Variants in CCDC102B observed in about 807,000 individuals in gnomAD.
The protein encoded by CCDC102B is coiled-coil domain containing 102B.
CCDC102B carries 75 observed loss-of-function variants against 57.4 expected under a neutral mutation model. The ratio of observed to expected loss-of-function variants is 1.31; its 90% CI spans 1.08 to 1.58. The LOEUF is 1.58. Ranked by LOEUF, CCDC102B falls within the 40% of genes most tolerant of loss-of-function variation. CCDC102B has a pLI of 0.00. For missense variants in CCDC102B, 636 were observed against 582.6 expected (o/e 1.09, Z -0.94); for synonymous variants, 206 against 201.9 (o/e 1.02, Z -0.17).
At chr18:69,012,521 T>A (rs2051546382) in intron 7 of CCDC102B, among the ~76,000 whole-genome samples, 2 of 152,192 alleles carry the variant, frequency 1.3e-5, no homozygotes, top group Admixed American at 6.5e-5. Context: ...ATCATCAATG[T>A]CAGGTTTGGT....
intron 7 of CCDC102B, among the ~76,000 whole-genome samples, chr18:69,053,049 A>G (rs1023996600): frequency 6.6e-6 from 1 of 151,862 alleles, no homozygotes; most frequent in African/African-American, 2.4e-5. Context: ...TCTCCTGTGG[A>G]TATCAAGGGA....
At chr18:68,936,890 T>G (rs2049257255) in intron 6 of CCDC102B, among the ~76,000 whole-genome samples, 1 of 151,370 alleles carries the variant, frequency 6.6e-6, no homozygotes, top group African/African-American at 2.4e-5. Flanking sequence ...AACACACATA[T>G]ACATACGTAA....
chr18:68,972,082 A>G (rs907088756), intron 6 of CCDC102B, among the ~76,000 whole-genome samples: 1 of 152,156 alleles, frequency 6.6e-6, no homozygotes, highest in Non-Finnish European at 1.5e-5. Context: ...AAATATTAGA[A>G]TAGTAGGCTG....
intron 6 of CCDC102B, among the ~76,000 whole-genome samples, chr18:68,979,673 G>A (rs77306884): frequency 2.0e-5 from 3 of 152,176 alleles, no homozygotes; most frequent in Admixed American, 1.3e-4. Context: ...GGACCGTCAT[G>A]CAATGTCTAA....
rs1472018695 is a variant in CCDC102B, at chr18:68,911,173, A to G, written c.1263+13745A>G. 6.6e-5 allele frequency among the ~76,000 whole-genome samples: 10 copies of G among 152,236 alleles called. No individual in the cohort carries two copies. The East Asian group carries it at 1.9e-3, about 29-fold the overall frequency. On this transcript the variant is annotated intron_variant, in intron 6 of 7. Transcript: ENST00000360242. ...CAGCACTATTCCCAATAGCAAAGAC[A>G]TGGAATCAACCTAAATGCCCATCAA...
intron 6 of CCDC102B, among the ~76,000 whole-genome samples, chr18:68,918,667 G>T (rs1156877951): frequency 1.3e-5 from 2 of 152,124 alleles, no homozygotes; most frequent in Non-Finnish European, 2.9e-5. Flanking sequence ...GACATAATGA[G>T]CTTCTGGATT....
At chr18:69,021,748 G>A (rs962823590) in intron 7 of CCDC102B, among the ~76,000 whole-genome samples, 3 of 152,128 alleles carry the variant, frequency 2.0e-5, no homozygotes, top group Non-Finnish European at 4.4e-5. Flanking sequence ...GGGCAAGGAC[G>A]GTAGCAGCCT....
intron 7 of CCDC102B, 157 bp downstream of exon 7, chr18:69,011,261 A>G (rs1732179478): frequency 4.3e-6 from 3 of 695,006 alleles, no homozygotes; most frequent in African/African-American, 1.8e-5. Context: ...AGGAAATAAG[A>G]TTACACAGAC....
At chr18:68,797,707 T>C (rs1250503184), upstream of CCDC102B, among the ~76,000 whole-genome samples, 1 of 151,984 alleles carries the variant, frequency 6.6e-6, no homozygotes, top group African/African-American at 2.4e-5. Flanking sequence ...GTTCCTGTAA[T>C]GTGCAGTATA....
At chr18:68,764,424 GT>G (rs2034358913) in intron 2 of CCDC102B, among the ~76,000 whole-genome samples, 1 of 152,166 alleles carries the variant, frequency 6.6e-6, no homozygotes, top group Non-Finnish European at 1.5e-5. Flanking sequence ...AAGTAATTCA[GT>G]TTTTCAAGAT....
At chr18:69,011,701 C>T (rs2051523359) in intron 7 of CCDC102B, among the ~76,000 whole-genome samples, 1 of 151,254 alleles carries the variant, frequency 6.6e-6, no homozygotes, top group Non-Finnish European at 1.5e-5. Flanking sequence ...TTTAAAGAAA[C>T]ACAGTCTTAA....
At chr18:68,795,792 T>C (rs2035610564), upstream of CCDC102B, among the ~76,000 whole-genome samples, 1 of 152,168 alleles carries the variant, frequency 6.6e-6, no homozygotes, top group Non-Finnish European at 1.5e-5. Flanking sequence ...ATATATCTTC[T>C]TAGAGGACAC....
intron 7 of CCDC102B, among the ~76,000 whole-genome samples, chr18:69,020,981 G>A (rs1261008121): frequency 6.6e-6 from 1 of 152,172 alleles, no homozygotes; most frequent in African/African-American, 2.4e-5. Flanking sequence ...AAATGTTAGT[G>A]TTTTGCTAAA....
At chr18:69,040,385 GGTGT>G (rs908583162) in intron 7 of CCDC102B, among the ~76,000 whole-genome samples, 4 of 57,350 alleles carry the variant, frequency 7.0e-5, no homozygotes, top group South Asian at 1.8e-3. Context: ...TAGATGCAGG[GGTGT>G]GTGTGTGTGT....
At chr18:68,766,089 A>G (rs142223158) in intron 2 of CCDC102B, among the ~76,000 whole-genome samples, 158 of 152,304 alleles carry the variant, frequency 1.0e-3, no homozygotes, top group African/African-American at 3.7e-3. Context: ...TAAGGTGTCA[A>G]TTATTTTGAT....
rs57064090 is a variant in CCDC102B at position 68,913,310 on chromosome 18, C to CTGTGTGTGTGTGTGTGTGTGTGTG, written c.1263+15893_1263+15916dup. ...TAATTTTCCATTGGATGGTTAGTGTCTGTGTGTGTGTGTGTGTGTGTGTGT... is the reference window on the plus strand; with the variant it reads ...TAATTTTCCATTGGATGGTTAGTGTCTGTGTGTGTGTGTGTGTGTGTGTGTGTGTGTGTGTGTGTGTGTGTGTGT... On this transcript the variant is annotated intron_variant, in intron 6 of 7. Coordinates refer to ENST00000360242, the MANE Select transcript of CCDC102B (RefSeq NM_024781.3). 1.5e-4 allele frequency among the ~76,000 whole-genome samples: 20 copies of CTGTGTGTGTGTGTGTGTGTGTGTG among 135,592 alleles called. 1 individual carries two copies. The highest frequency in any genetic ancestry group is 3.8e-4 in the Admixed American group (5 of 13,306). The allele number at this position is 135,592 out of a possible 152,430, so 89.0% of individuals were successfully genotyped here.
At chr18:68,822,629 C>T (rs1209455175) in intron 1 of CCDC102B, among the ~76,000 whole-genome samples, 3 of 152,082 alleles carry the variant, frequency 2.0e-5, no homozygotes, top group African/African-American at 4.8e-5. Flanking sequence ...AGTTTTTCAA[C>T]TCCCCTCCTC....
At chr18:69,009,042 C>T (rs1201667798) in intron 6 of CCDC102B, among the ~76,000 whole-genome samples, 1 of 152,122 alleles carries the variant, frequency 6.6e-6, no homozygotes, top group Non-Finnish European at 1.5e-5. Flanking sequence ...ACATTTCACA[C>T]AGCTATGAGT....
chr18:68,976,947 T>C (rs936080995), intron 6 of CCDC102B, among the ~76,000 whole-genome samples: 1 of 152,030 alleles, frequency 6.6e-6, no homozygotes, highest in African/African-American at 2.4e-5. Context: ...TTTACATCAC[T>C]GATAATTTAT....
Sources: allele counts gnomAD v4.1 joint callset (sites outside exome capture counted in the v4.1 genomes callset), GRCh38; gene constraint gnomAD v4.1.1; transcripts MANE v1.5; gene names NCBI Gene and HGNC (gene_info 2026-07-23, HGNC 2026-07-21).